Variants in STX7 observed in about 807,000 individuals in gnomAD.
STX7 encodes the protein syntaxin 7.
In STX7, 34 loss-of-function variants were observed where a neutral mutation model predicts 39.6. That is an observed-to-expected ratio of 0.86 (90% CI 0.65 to 1.14). The LOEUF is 1.14. Among genes scored for constraint, STX7 ranks in the 50% most tolerant of loss-of-function variants. The probability of loss-of-function intolerance (pLI) is 0.00; values close to 1 mark genes in which losing one functional copy is unlikely to be tolerated. For synonymous variants in STX7, 119 were observed against 99.1 expected (o/e 1.20, Z -1.19); for missense variants, 284 against 310.4 (o/e 0.92, Z 0.64).
intron 2 of STX7, among the ~76,000 whole-genome samples, chr6:132,492,861 G>T (rs4895939): frequency 2.0e-5 from 3 of 152,112 alleles, no homozygotes; most frequent in South Asian, 2.1e-4. Context: ...GAACAAAGCA[G>T]GGTATATAGG....
chr6:132,509,701 G>A (rs1215006787), intron 1 of STX7, among the ~76,000 whole-genome samples: 1 of 152,022 alleles, frequency 6.6e-6, no homozygotes. Context: ...GTATCTAAAA[G>A]GCAACAACAG....
Position 132,456,539 on chromosome 6 carries a change from GAGGGAAGGAAGA to G in STX7, c.*4207_*4218del, listed in dbSNP as rs892372791. The G allele has an allele frequency of 3.9e-5, 6 of 152,354 alleles. No individual in the cohort carries two copies. Among genetic ancestry groups the G allele is most frequent in the South Asian group, 2.1e-4 (1 of 4,832 alleles). The allele number at this position is 152,354 out of a possible 1,614,324, so 9.4% of individuals were successfully genotyped here. ...AGTATTTATTAAGCAACTACTACGG[GAGGGAAGGAAGA>G]AGGGAAGGAAGGAAGGAAACTGTGT... On this transcript the variant is annotated 3_prime_UTR_variant, in exon 10 of 10. Coordinates refer to ENST00000367941, the MANE Select transcript of STX7 (RefSeq NM_003569.3).
At chr6:132,478,857 G>A (rs1774941881) in intron 2 of STX7, among the ~76,000 whole-genome samples, 1 of 152,168 alleles carries the variant, frequency 6.6e-6, no homozygotes. Context: ...ACATCAGCGA[G>A]CCTTCACAGG....
chr6:132,500,399 T>C (rs1195446363), intron 2 of STX7, among the ~76,000 whole-genome samples: 1 of 152,224 alleles, frequency 6.6e-6, no homozygotes, highest in Admixed American at 6.5e-5. Flanking sequence ...TTTCTGAGTA[T>C]TTCAAGCCCA....
At chr6:132,506,405 A>T (rs1048126388) in intron 1 of STX7, among the ~76,000 whole-genome samples, 1 of 152,082 alleles carries the variant, frequency 6.6e-6, no homozygotes, top group African/African-American at 2.4e-5. Flanking sequence ...TCAACAAAAA[A>T]CCCCACAAAT....
intron 2 of STX7, among the ~76,000 whole-genome samples, chr6:132,482,737 G>C (rs775403741): frequency 6.6e-6 from 1 of 152,184 alleles, no homozygotes; most frequent in Non-Finnish European, 1.5e-5. Context: ...AGTAAGTTTA[G>C]GTCTGGCAGT....
intron 2 of STX7, 120 bp downstream of exon 2, chr6:132,503,326 C>T: frequency 1.3e-6 from 1 of 783,526 alleles, no homozygotes; most frequent in South Asian, 1.7e-5. Context: ...CCCTTTAAAA[C>T]CTGTTGTTAG....
intron 2 of STX7, among the ~76,000 whole-genome samples, chr6:132,477,894 CA>C (rs1774913499): frequency 6.6e-6 from 1 of 152,088 alleles, no homozygotes; most frequent in Admixed American, 6.5e-5. Flanking sequence ...TATAATCTTG[CA>C]ATTTACAAAA....
intron 3 of STX7, 112 bp from the exon 4 acceptor site, chr6:132,472,487 T>C: frequency 2.9e-6 from 2 of 688,758 alleles, no homozygotes; most frequent in South Asian, 5.7e-5. Flanking sequence ...TGCCTTTTCA[T>C]AAACTGGCTC....
Position 132,447,696 on chromosome 6 carries a change from C to T in STX7, c.*13062G>A, listed in dbSNP as rs368926965. 1.3e-5 allele frequency: 2 copies of T among 151,970 alleles called. No individual in the cohort carries two copies. The highest frequency in any genetic ancestry group is 2.9e-5 in the Non-Finnish European group (2 of 67,984). The allele number at this position is 151,970 out of a possible 1,614,324, so 9.4% of individuals were successfully genotyped here. On this transcript the variant is annotated 3_prime_UTR_variant, in exon 10 of 10. Coordinates refer to ENST00000367941, the MANE Select transcript of STX7 (RefSeq NM_003569.3). ...GCTTTTCACTTTAATATTTGTAAGG[C>T]TAATACTGATACAGCTATCCTAACC...
At chr6:132,467,171 G>T (rs1484227620) in intron 8 of STX7, among the ~76,000 whole-genome samples, 1 of 152,136 alleles carries the variant, frequency 6.6e-6, no homozygotes, top group Non-Finnish European at 1.5e-5. Flanking sequence ...TGTAAAAACT[G>T]AAATCTTCCT....
At chr6:132,512,482 A>C (rs903984670) in intron 1 of STX7, among the ~76,000 whole-genome samples, 1 of 152,250 alleles carries the variant, frequency 6.6e-6, no homozygotes, top group African/African-American at 2.4e-5. Context: ...TCATCAAGCC[A>C]AATTAAAAAA....
At position 132,448,988 on chromosome 6, in the gene STX7, T is replaced by C. The variant is rs1302916644; in HGVS notation, c.*11770A>G. On this transcript the variant is annotated 3_prime_UTR_variant, in exon 10 of 10. Coordinates refer to ENST00000367941, the MANE Select transcript of STX7 (RefSeq NM_003569.3). ...ATTGGCTTCCTTTTCCTGGTTGATA[T>C]ACATTTTGCTTCTTGTATATGTGGA... 6.6e-6 allele frequency: 1 copy of C among 151,982 alleles called. No individual in the cohort carries two copies. Among genetic ancestry groups the C allele is most frequent in the Non-Finnish European group, 1.5e-5 (1 of 68,016 alleles). The allele number at this position is 151,982 out of a possible 1,614,324, so 9.4% of individuals were successfully genotyped here.
chr6:132,490,554 C>T lies in STX7; in HGVS notation c.85+12892G>A, dbSNP rs1775253782. Among the ~76,000 whole-genome samples, 3 of 152,194 alleles carry T rather than the reference C, an allele frequency of 2.0e-5. No individual in the cohort carries two copies. The South Asian group carries it at 6.2e-4, about 32-fold the overall frequency. ...ATTAACACAAAATGTGTAAATATGA[C>T]CAAATTCTCAAAAACGTGTACATAC... On this transcript the variant is annotated intron_variant, in intron 2 of 9. Transcript: ENST00000367941.
In STX7 at chr6:132,485,367, A is replaced by G. The variant is rs183616796; in HGVS notation, c.86-9705T>C. Among the ~76,000 whole-genome samples, 1,304 of 152,344 alleles carry G rather than the reference A, an allele frequency of 8.6e-3. 11 individuals are homozygous for G. The highest frequency in any genetic ancestry group is 0.015 in the Non-Finnish European group (1,030 of 68,028). On this transcript the variant is annotated intron_variant, in intron 2 of 9. Transcript: ENST00000367941. The stretch of plus-strand genomic sequence containing the variant: ...TGATTCATCCATGCTGTGTATATCA[A>G]TAGTGCATTCCTTTTATTGCTGAGT...
intron 2 of STX7, among the ~76,000 whole-genome samples, chr6:132,478,641 G>A (rs1448412841): frequency 1.3e-5 from 2 of 152,222 alleles, no homozygotes; most frequent in African/African-American, 4.8e-5. Context: ...TCTGGAGAAT[G>A]CAGAAGGCTA....
chr6:132,482,092 A>T (rs764176510), intron 2 of STX7, among the ~76,000 whole-genome samples: 6 of 152,214 alleles, frequency 3.9e-5, no homozygotes, highest in Non-Finnish European at 7.3e-5. Flanking sequence ...TTATGAGTGA[A>T]CCATAAAAAG....
chr6:132,488,237 A>C (rs1477827993), intron 2 of STX7, among the ~76,000 whole-genome samples: 25 of 152,194 alleles, frequency 1.6e-4, no homozygotes, highest in Non-Finnish European at 5.9e-5. Context: ...CACTGTAGTC[A>C]AGGAATATTA....
At position 132,459,391 on chromosome 6, in the gene STX7, C is replaced by A. The variant is rs1351649448; in HGVS notation, c.*1367G>T. ...AGTGAACTGGTGCTCCAGAAAGATGCTGAATGGCCACAGTGCATGTGGTGA... is the reference window on the plus strand; with the variant it reads ...AGTGAACTGGTGCTCCAGAAAGATGATGAATGGCCACAGTGCATGTGGTGA... On this transcript the variant is annotated 3_prime_UTR_variant, in exon 10 of 10. Coordinates refer to ENST00000367941, the MANE Select transcript of STX7 (RefSeq NM_003569.3). 1 of 152,216 alleles carries A rather than the reference C, an allele frequency of 6.6e-6. No homozygotes were observed. Among genetic ancestry groups the A allele is most frequent in the Non-Finnish European group, 1.5e-5 (1 of 68,050 alleles). 9.4% of individuals were successfully genotyped at this position (152,216 alleles called of 1,614,324 possible).
Sources: allele counts gnomAD v4.1 joint callset (sites outside exome capture counted in the v4.1 genomes callset), GRCh38; gene constraint gnomAD v4.1.1; transcripts MANE v1.5; gene names NCBI Gene and HGNC (gene_info 2026-07-23, HGNC 2026-07-21).